SPATA6: variants seen among roughly 807,000 people sequenced by gnomAD.
The protein encoded by SPATA6 is spermatogenesis associated 6.
SPATA6 carries 56 observed loss-of-function variants against 65.3 expected under a neutral mutation model. The ratio of observed to expected loss-of-function variants is 0.86; its 90% CI spans 0.69 to 1.07. The LOEUF (loss-of-function observed/expected upper bound fraction) is 1.07, where lower values mean the gene tolerates loss of function less well. Among genes scored for constraint, SPATA6 ranks in the 50% least tolerant of loss-of-function variants. The pLI, the probability that SPATA6 is intolerant of heterozygous loss-of-function variation, is 0.00. For missense variants in SPATA6, 590 were observed against 594.8 expected (o/e 0.99, Z 0.08); for synonymous variants, 199 against 213.2 (o/e 0.93, Z 0.58).
chr1:48,350,473 T>C (rs1215974847), intron 11 of SPATA6, among the ~76,000 whole-genome samples: 3 of 151,822 alleles, frequency 2.0e-5, no homozygotes, highest in East Asian at 1.9e-4. Context: ...CTTGCTATCA[T>C]ATAAAAACTC....
intron 11 of SPATA6, 34 bp downstream of exon 11, chr1:48,355,636 A>T: frequency 1.3e-6 from 2 of 1,496,690 alleles, no homozygotes; most frequent in Non-Finnish European, 9.2e-7. Flanking sequence ...GACCTATTAT[A>T]AATAGTCTTC....
In SPATA6 at chr1:48,436,451, G is replaced by A. The variant is rs943268052; in HGVS notation, c.238+15101C>T. The A allele has an allele frequency of 3.1e-6, 5 of 1,607,774 alleles. No individual in the cohort carries two copies. The African/African-American group carries it at 6.7e-5, about 22-fold the overall frequency. Reference sequence around the variant, plus strand: ...GAAGGAATGAGTGAAACTTTAATAAGAAACATTATCTTTGGAGCTGTGAGA... The same window carrying A: ...GAAGGAATGAGTGAAACTTTAATAAAAAACATTATCTTTGGAGCTGTGAGA... On this transcript the variant is annotated intron_variant, in intron 3 of 12. Transcript: ENST00000371847.
At chr1:48,290,448 G>C (rs533609220), downstream of SPATA6, among the ~76,000 whole-genome samples, 13 of 152,216 alleles carry the variant, frequency 8.5e-5, no homozygotes, top group South Asian at 2.7e-3. Context: ...CAACTAACGA[G>C]CAAAATAACC....
At chr1:48,287,081 G>T in the SPATA6 span, among the ~76,000 whole-genome samples, 2 of 150,436 alleles carry the variant, frequency 1.3e-5, no homozygotes. Context: ...TCACTGTTTT[G>T]CAGGCTGTAA....
intron 11 of SPATA6, among the ~76,000 whole-genome samples, chr1:48,314,757 G>A (rs147468572): frequency 0.097 from 14,817 of 152,090 alleles, 870 homozygotes; most frequent in South Asian, 0.17. Context: ...CCAGGAGCTG[G>A]TTTTTTGAAA....
intron 1 of SPATA6, among the ~76,000 whole-genome samples, chr1:48,458,533 G>T (rs1275042110): frequency 6.6e-6 from 1 of 152,032 alleles, no homozygotes; most frequent in Admixed American, 6.6e-5. Flanking sequence ...CTCATTTTTG[G>T]CTGTCTACTC....
the SPATA6 span, among the ~76,000 whole-genome samples, chr1:48,286,528 T>G: frequency 6.6e-6 from 1 of 152,228 alleles, no homozygotes; most frequent in African/African-American, 2.4e-5. Context: ...GCAACTTTAT[T>G]GAATTTATTC....
At chr1:48,377,460 T>C (rs1217839364) in intron 9 of SPATA6, among the ~76,000 whole-genome samples, 1 of 152,182 alleles carries the variant, frequency 6.6e-6, no homozygotes, top group Non-Finnish European at 1.5e-5. Flanking sequence ...CCCCTTTTCA[T>C]AGCGTAAACT....
intron 1 of SPATA6, among the ~76,000 whole-genome samples, chr1:48,470,359 C>A (rs115208669): frequency 0.019 from 2,945 of 152,308 alleles, 43 homozygotes; most frequent in Non-Finnish European, 0.03. Flanking sequence ...TCTATTAAGG[C>A]TGAACTCTGA....
At chr1:48,373,972 T>C (rs12145298) in intron 9 of SPATA6, among the ~76,000 whole-genome samples, 20,524 of 152,216 alleles carry the variant, frequency 0.13, 1,822 homozygotes, top group South Asian at 0.22. Flanking sequence ...AACTCTCTTA[T>C]GCTTTGCTCT....
chr1:48,291,286 T>C (rs1201454469), downstream of SPATA6, among the ~76,000 whole-genome samples: 5 of 152,108 alleles, frequency 3.3e-5, no homozygotes, highest in South Asian at 4.1e-4. Flanking sequence ...GGCAGGGCCA[T>C]AGAGCTCCCA....
intron 3 of SPATA6, among the ~76,000 whole-genome samples, chr1:48,445,619 C>T (rs181876293): frequency 0.013 from 1,809 of 138,626 alleles, 40 homozygotes; most frequent in African/African-American, 0.047. Context: ...GAGATCACGC[C>T]GCTGCACTCC....
intron 1 of SPATA6, among the ~76,000 whole-genome samples, chr1:48,464,204 C>T (rs1303142698): frequency 6.6e-6 from 1 of 151,910 alleles, no homozygotes; most frequent in African/African-American, 2.4e-5. Context: ...GGTGAGACTT[C>T]AGAAGCATAA....
rs191780610 is a variant in SPATA6, at chr1:48,400,868, C to T, written c.487-1224G>A. The T allele has an allele frequency of 5.0e-5, 63 of 1,256,104 alleles. No homozygotes were observed. The East Asian group carries it at 3.4e-3, about 68-fold the overall frequency. The allele number at this position is 1,256,104 out of a possible 1,614,324, so 77.8% of individuals were successfully genotyped here. A position where few individuals can be genotyped will look rare whatever the true frequency, so the allele number is the denominator to read the frequency against. On this transcript the variant is annotated intron_variant, in intron 6 of 12. Coordinates refer to ENST00000371847, the MANE Select transcript of SPATA6 (RefSeq NM_019073.4). ...TGTTCAATGATTTCAAAAAGTAATT[C>T]AGAATTTTTCTACCATATCCATTTC...
chr1:48,418,053 G>C (rs1000327710), intron 3 of SPATA6, among the ~76,000 whole-genome samples: 1 of 151,982 alleles, frequency 6.6e-6, no homozygotes, highest in Non-Finnish European at 1.5e-5. Context: ...CAAAGGGTCT[G>C]TATTTTATGC....
chr1:48,403,105 G>C (rs1344550111), intron 6 of SPATA6, among the ~76,000 whole-genome samples: 1 of 152,140 alleles, frequency 6.6e-6, no homozygotes, highest in Non-Finnish European at 1.5e-5. Flanking sequence ...GAGCCCAAGA[G>C]GTCAAAGCTG....
At chr1:48,325,385 C>T in intron 11 of SPATA6, 2 of 1,379,988 alleles carry the variant, frequency 1.4e-6, no homozygotes, top group East Asian at 2.3e-5. Context: ...TCCCTGATTC[C>T]TCCAGGCCCA....
chr1:48,417,713 A>T (rs887596650), intron 3 of SPATA6, among the ~76,000 whole-genome samples: 8 of 152,060 alleles, frequency 5.3e-5, no homozygotes, highest in African/African-American at 1.9e-4. Flanking sequence ...CTACCCAGCT[A>T]CTTGGGAGGC....
chr1:48,415,653 AACC>A (rs754408399), intron 3 of SPATA6, among the ~76,000 whole-genome samples: 1 of 151,988 alleles, frequency 6.6e-6, no homozygotes, highest in Non-Finnish European at 1.5e-5. Flanking sequence ...TGAAAAAAAA[AACC>A]ACAACAGAAT....
Sources: gnomAD v4.1 joint callset for allele counts (sites outside exome capture counted in the v4.1 genomes callset) on GRCh38, gnomAD v4.1.1 for gene constraint, MANE v1.5 for transcripts, NCBI Gene and HGNC (gene_info 2026-07-23, HGNC 2026-07-21) for gene names.